Variants in ZNF700 observed in about 807,000 individuals in gnomAD.
ZNF700 encodes zinc finger protein 700.
A neutral mutation model predicts 65.3 loss-of-function variants in ZNF700; 38 were observed. The observed-to-expected ratio is 0.58, with a 90% CI of 0.45 to 0.76. The LOEUF is 0.76. Among genes scored for constraint, ZNF700 ranks in the 30% least tolerant of loss-of-function variants. The probability of loss-of-function intolerance (pLI) is 0.00; values close to 1 mark genes in which losing one functional copy is unlikely to be tolerated. For missense variants in ZNF700, 857 were observed against 888.4 expected (o/e 0.96, Z 0.45); for synonymous variants, 285 against 290.4 (o/e 0.98, Z 0.19).
In ZNF700 at chr19:11,934,977, A is replaced by G. The variant is rs1322415282; in HGVS notation, c.63+9704A>G. 3.4e-5 allele frequency among the ~76,000 whole-genome samples: 5 copies of G among 146,628 alleles called. 1 individual carries two copies. Among genetic ancestry groups the G allele is most frequent in the African/African-American group, 1.3e-4 (5 of 37,066 alleles). On this transcript the variant is annotated intron_variant, in intron 1 of 3. Transcript: ENST00000254321. ...GGGTGGATCAGGAGGTCAGATCAAGACCATCCTGGCTAACACTGTGAAACC... is the reference window on the plus strand; with the variant it reads ...GGGTGGATCAGGAGGTCAGATCAAGGCCATCCTGGCTAACACTGTGAAACC...
At chr19:11,934,058 C>G (rs1276602302) in intron 1 of ZNF700, among the ~76,000 whole-genome samples, 1 of 147,640 alleles carries the variant, frequency 6.8e-6, no homozygotes, top group African/African-American at 2.7e-5. Flanking sequence ...AAAGGCTCAT[C>G]TTGAGCCTGG....
intron 1 of ZNF700, among the ~76,000 whole-genome samples, chr19:11,932,867 G>C (rs1157015848): frequency 6.8e-6 from 1 of 148,000 alleles, no homozygotes; most frequent in East Asian, 1.9e-4. Flanking sequence ...TCAATATCCT[G>C]ACCTCGTGAT....
intron 1 of ZNF700, among the ~76,000 whole-genome samples, chr19:11,936,032 T>C (rs1206732201): frequency 2.6e-5 from 4 of 152,222 alleles, no homozygotes; most frequent in Admixed American, 6.5e-5. Flanking sequence ...GCAAAGGACA[T>C]GAACTCATCC....
At chr19:11,933,299 G>A (rs1972742206) in intron 1 of ZNF700, among the ~76,000 whole-genome samples, 1 of 148,216 alleles carries the variant, frequency 6.7e-6, no homozygotes. Context: ...TTGACTGTGT[G>A]TAGTGTATCC....
chr19:11,946,368 G>T (rs776342921), intron 1 of ZNF700, among the ~76,000 whole-genome samples: 1 of 152,106 alleles, frequency 6.6e-6, no homozygotes, highest in Non-Finnish European at 1.5e-5. Context: ...AGGACGGGGG[G>T]CATTGCTGTG....
At position 11,949,277 on chromosome 19, in the gene ZNF700, A is replaced by G. The variant is rs764565590; in HGVS notation, c.1253A>G (p.Tyr418Cys). The change falls in exon 4 of 4, where the codon TAT (tyrosine) becomes TGT (cysteine). Residue 418 changes from tyrosine to cysteine, a missense_variant. Tyr to Cys is a radical substitution (Grantham distance 194). Coordinates refer to ENST00000254321, the MANE Select transcript of ZNF700 (RefSeq NM_144566.3). ...HERIHTGEKP[Y>C]ECKQCGKAFR... ...AGGATTCACACTGGAGAGAAACCCT[A>G]TGAGTGTAAGCAGTGTGGGAAAGCC... is the stretch of plus-strand genomic sequence containing the variant. The G allele has an allele frequency of 6.2e-6, 10 of 1,614,026 alleles. No homozygotes were observed. Among genetic ancestry groups the G allele is most frequent in the South Asian group, 4.4e-5 (4 of 91,082 alleles).
At chr19:11,927,412 C>G (rs1189951289) in intron 1 of ZNF700, among the ~76,000 whole-genome samples, 3 of 143,874 alleles carry the variant, frequency 2.1e-5, no homozygotes, top group South Asian at 4.3e-4. Flanking sequence ...CAGCGAGACC[C>G]TGTCTCTATT....
rs569001869 is a variant in ZNF700 at position 11,935,003 on chromosome 19, C to T, written c.63+9730C>T. On this transcript the variant is annotated intron_variant, in intron 1 of 3. Coordinates refer to ENST00000254321, the MANE Select transcript of ZNF700 (RefSeq NM_144566.3). ...CCATCCTGGCTAACACTGTGAAACC[C>T]CGTCTCTACTAAAAATAGAAAAAAT... 9.4e-4 allele frequency among the ~76,000 whole-genome samples: 137 copies of T among 146,022 alleles called. 20 individuals carry two copies. Among genetic ancestry groups the T allele is most frequent in the African/African-American group, 3.6e-3 (131 of 36,734 alleles).
At chr19:11,947,669 G>A (rs1473327537) in intron 3 of ZNF700, 95 bp downstream of exon 3, 2 of 1,185,562 alleles carry the variant, frequency 1.7e-6, no homozygotes, top group Non-Finnish European at 1.2e-6. Context: ...ACTAAATCCA[G>A]CATCAAATTC....
intron 1 of ZNF700, among the ~76,000 whole-genome samples, chr19:11,937,932 A>C (rs1329952285): frequency 6.6e-6 from 1 of 152,174 alleles, no homozygotes; most frequent in Non-Finnish European, 1.5e-5. Flanking sequence ...ATGTGTGAGA[A>C]ATCAGACTTT....
Position 11,947,312 on chromosome 19 carries a change from G to C in ZNF700, c.190+5G>C. On this transcript the variant is annotated splice_donor_5th_base_variant and intron_variant, in intron 2 of 3. Transcript: ENST00000254321. Reference sequence around the variant, plus strand: ...TCAGGAACCTGACCTCTATAGGTAAGGATGACAATATTCCTTCCGTCAGTG... The same window carrying C: ...TCAGGAACCTGACCTCTATAGGTAACGATGACAATATTCCTTCCGTCAGTG... The C allele has an allele frequency of 6.2e-7, 1 of 1,613,520 alleles. No individual in the cohort carries two copies. Among genetic ancestry groups the C allele is most frequent in the Non-Finnish European group, 8.5e-7 (1 of 1,179,908 alleles).
chr19:11,946,497 T>C (rs1972961276), intron 1 of ZNF700, among the ~76,000 whole-genome samples: 1 of 152,204 alleles, frequency 6.6e-6, no homozygotes, highest in Non-Finnish European at 1.5e-5. Context: ...CTAACACTGC[T>C]GCTGCCTGTC....
intron 1 of ZNF700, among the ~76,000 whole-genome samples, chr19:11,938,327 T>C (rs369286500): frequency 5.3e-5 from 8 of 152,316 alleles, no homozygotes; most frequent in African/African-American, 1.9e-4. Context: ...GTTGGTGTGC[T>C]GCACCCATTA....
rs1016188780 is a variant in ZNF700, at chr19:11,947,661, T to C, written c.251+87T>C. On this transcript the variant is annotated intron_variant, in intron 3 of 3. Transcript: ENST00000254321. ...GTTGAAGAGAAGTAAAACAAAGAACTAAATCCAGCATCAAATTCATTTCTT... is the reference window on the plus strand; with the variant it reads ...GTTGAAGAGAAGTAAAACAAAGAACCAAATCCAGCATCAAATTCATTTCTT... The C allele has an allele frequency of 3.0e-5, 37 of 1,225,852 alleles. No homozygotes were observed. In the East Asian group the frequency reaches 3.3e-4, roughly 11 times the overall value. 75.9% of individuals were successfully genotyped at this position (1,225,852 alleles called of 1,614,324 possible).
intron 1 of ZNF700, among the ~76,000 whole-genome samples, chr19:11,946,109 G>T (rs544319896): frequency 3.9e-5 from 6 of 152,156 alleles, no homozygotes; most frequent in Non-Finnish European, 8.8e-5. Context: ...TAGTCCAGTA[G>T]CCCTTCTGCC....
Position 11,949,206 on chromosome 19 carries a change from A to G in ZNF700, c.1182A>G (p.Gln394=), listed in dbSNP as rs112985154. ...HTGEKRYKCK[Q]CGKAFNLSSS... ...GAGAGAAACGCTATAAATGCAAGCA[A>G]TGTGGTAAAGCCTTCAATCTTTCCA... Residue 394 remains glutamine (Q), a synonymous_variant, in exon 4 of 4, where the codon CAA becomes CAG. Transcript: ENST00000254321. 1.7e-3 allele frequency: 2,715 copies of G among 1,613,688 alleles called. 3 individuals carry two copies. Among genetic ancestry groups the G allele is most frequent in the Non-Finnish European group, 2.1e-3 (2,465 of 1,179,906 alleles).
chr19:11,935,846 A>G (rs1052629135), intron 1 of ZNF700, among the ~76,000 whole-genome samples: 1 of 152,138 alleles, frequency 6.6e-6, no homozygotes, highest in South Asian at 2.1e-4. Flanking sequence ...TCCTAAGGCT[A>G]TCCTCCTCCC....
intron 3 of ZNF700, among the ~76,000 whole-genome samples, chr19:11,947,839 C>G (rs1972985769): frequency 1.3e-5 from 2 of 152,090 alleles, no homozygotes; most frequent in South Asian, 2.1e-4. Flanking sequence ...GACCACATAT[C>G]AACAACAGCA....
At chr19:11,928,396 C>T (rs1301089487) in intron 1 of ZNF700, among the ~76,000 whole-genome samples, 1 of 152,166 alleles carries the variant, frequency 6.6e-6, no homozygotes, top group Non-Finnish European at 1.5e-5. Flanking sequence ...ATTTAACATT[C>T]CATCTGAAGA....
Sources: gnomAD v4.1 joint callset for allele counts (sites outside exome capture counted in the v4.1 genomes callset) on GRCh38, gnomAD v4.1.1 for gene constraint, MANE v1.5 for transcripts, NCBI Gene and HGNC (gene_info 2026-07-23, HGNC 2026-07-21) for gene names.